Variants in EPC1 observed in about 807,000 individuals in gnomAD.
EPC1 encodes the protein enhancer of polycomb homolog 1.
EPC1 carries 12 observed loss-of-function variants against 98.4 expected under a neutral mutation model. The observed-to-expected ratio is 0.12, with a 90% CI of 0.08 to 0.20. EPC1 has a LOEUF of 0.20. Ranked by LOEUF, EPC1 falls within the 10% of genes least tolerant of loss-of-function variation. The pLI is 1.00. For missense variants in EPC1, 729 were observed against 990.5 expected (o/e 0.74, Z 3.54); for synonymous variants, 357 against 363.9 (o/e 0.98, Z 0.21).
At chr10:32,365,995 T>A (rs887832798) in intron 1 of EPC1, among the ~76,000 whole-genome samples, 1 of 150,002 alleles carries the variant, frequency 6.7e-6, no homozygotes, top group Non-Finnish European at 1.5e-5. Flanking sequence ...TAACATGGCA[T>A]GGTGGCGCGT....
At chr10:32,280,167 T>C (rs1836326672) in intron 10 of EPC1, among the ~76,000 whole-genome samples, 1 of 152,218 alleles carries the variant, frequency 6.6e-6, no homozygotes, top group Non-Finnish European at 1.5e-5. Context: ...GTACTTCTAT[T>C]ATCTTCATTT....
chr10:32,290,505 A>AAAGAAAG (rs1554819135), intron 6 of EPC1, among the ~76,000 whole-genome samples: 2 of 77,532 alleles, frequency 2.6e-5, no homozygotes, highest in African/African-American at 1.1e-4. Flanking sequence ...AAAAAAAAAA[A>AAAGAAAG]AAAGAAAGAA....
At chr10:32,348,164 C>G (rs1838978742), upstream of EPC1, among the ~76,000 whole-genome samples, 1 of 152,168 alleles carries the variant, frequency 6.6e-6, no homozygotes, top group South Asian at 2.1e-4. Context: ...CTGTCGTACT[C>G]CCGCCAAACA....
intron 1 of EPC1, among the ~76,000 whole-genome samples, chr10:32,362,901 A>G (rs2490517): frequency 0.53 from 80,543 of 152,050 alleles, 23,272 homozygotes; most frequent in East Asian, 0.7. Flanking sequence ...TTCTTCTCCT[A>G]AGCTAGCTTT....
chr10:32,269,011 T>C lies in EPC1; in HGVS notation c.*52A>G, dbSNP rs1835707962. 1.4e-6 allele frequency: 2 copies of C among 1,467,288 alleles called. No individual in the cohort carries two copies. Among genetic ancestry groups the C allele is most frequent in the Non-Finnish European group, 1.9e-6 (2 of 1,052,860 alleles). The allele number at this position is 1,467,288 out of a possible 1,614,324, so 90.9% of individuals were successfully genotyped here. On this transcript the variant is annotated 3_prime_UTR_variant, in exon 14 of 14. Coordinates refer to ENST00000319778, the MANE Select transcript of EPC1 (RefSeq NM_001272004.3). ...TCATCCCTTGCATTCAAAATGCTAC[T>C]GATGCATAGCACCTAATCAAGTCCC...
chr10:32,342,896 G>C (rs1486030896), intron 1 of EPC1, among the ~76,000 whole-genome samples: 1 of 152,116 alleles, frequency 6.6e-6, no homozygotes, highest in Non-Finnish European at 1.5e-5. Flanking sequence ...TTAATCAAGA[G>C]TCAATTTTAA....
Position 32,273,240 on chromosome 10 carries a change from C to A in EPC1, c.1786G>T (p.Ala596Ser), listed in dbSNP as rs1359914427. The A allele has an allele frequency of 1.2e-6, 2 of 1,613,738 alleles. No homozygotes were observed. Among genetic ancestry groups the A allele is most frequent in the East Asian group, 2.2e-5 (1 of 44,876 alleles). ...EQYQQHQQQL[A>S]LMQKQQLAQI... is the part of the protein sequence containing the mutation. ...GCAAGCTGCTGTTTCTGCATGAGTGCCAGTTGCTGTTGATGTTGCTGGTAT... is the reference window on the plus strand; with the variant it reads ...GCAAGCTGCTGTTTCTGCATGAGTGACAGTTGCTGTTGATGTTGCTGGTAT... The change falls in exon 11 of 14, where the codon GCA becomes TCA. Residue 596 changes from alanine (A) to serine (S), a missense_variant. Physicochemically the swap from Ala to Ser is moderately conservative, Grantham distance 99. Around this residue, in one of 6 missense-constraint regions of EPC1, gnomAD observed 390 missense variants for 438.6 expected, o/e 0.89. Transcript: ENST00000319778.
rs142293059 is a variant in EPC1, at chr10:32,302,234, C to T, written c.313+3538G>A. Among the ~76,000 whole-genome samples, 350 of 151,170 alleles carry T rather than the reference C, an allele frequency of 2.3e-3. 1 individual carries two copies. Among genetic ancestry groups the T allele is most frequent in the African/African-American group, 7.9e-3 (326 of 41,120 alleles). On this transcript the variant is annotated intron_variant, in intron 2 of 13. Transcript: ENST00000319778. ...CCAGCCTGGGTGACAGAGCAAGACT[C>T]CGTCTCAAAAAAAAAAAAATTTTTT...
chr10:32,341,704 G>T (rs1487014735), intron 1 of EPC1, among the ~76,000 whole-genome samples: 3 of 152,152 alleles, frequency 2.0e-5, no homozygotes, highest in South Asian at 2.1e-4. Context: ...TGTTCAAAAG[G>T]TCCCTTCTGT....
chr10:32,289,888 A>G (rs1836900806), intron 6 of EPC1, among the ~76,000 whole-genome samples: 1 of 152,016 alleles, frequency 6.6e-6, no homozygotes, highest in Non-Finnish European at 1.5e-5. Context: ...CTTCCCAGAG[A>G]GCTAGGATTA....
At chr10:32,347,882 T>C (rs1838962313), upstream of EPC1, among the ~76,000 whole-genome samples, 1 of 152,278 alleles carries the variant, frequency 6.6e-6, no homozygotes, top group African/African-American at 2.4e-5. Context: ...TTAATATAAA[T>C]GATAGGTATC....
intron 2 of EPC1, among the ~76,000 whole-genome samples, chr10:32,304,690 C>T (rs868631909): frequency 3.3e-5 from 5 of 152,020 alleles, no homozygotes; most frequent in African/African-American, 7.2e-5. Context: ...GAGGCCGAGG[C>T]GGGCGGATCA....
intron 6 of EPC1, among the ~76,000 whole-genome samples, chr10:32,288,305 CTTTTTTCTT>C (rs1836799963): frequency 7.2e-6 from 1 of 139,398 alleles, no homozygotes; most frequent in South Asian, 2.2e-4. Flanking sequence ...TTATCTATTA[CTTTTTTCTT>C]TTTTTTTTTT....
At chr10:32,374,529 T>A (rs1839832627) in intron 1 of EPC1, 1 of 152,172 alleles carries the variant, frequency 6.6e-6, no homozygotes, top group Admixed American at 6.5e-5. Flanking sequence ...ATCTGTAGCA[T>A]CTATTTGGGT....
chr10:32,362,454 T>C (rs1839470769), intron 1 of EPC1, among the ~76,000 whole-genome samples: 1 of 152,062 alleles, frequency 6.6e-6, no homozygotes, highest in Admixed American at 6.6e-5. Flanking sequence ...TAGTAGCACC[T>C]CCCCGCTCCC....
At chr10:32,352,632 A>G (rs1839148348) in intron 1 of EPC1, among the ~76,000 whole-genome samples, 1 of 152,086 alleles carries the variant, frequency 6.6e-6, no homozygotes, top group Non-Finnish European at 1.5e-5. Context: ...AATGCAAAAT[A>G]AGCCTCCCCC....
chr10:32,376,183 A>G (rs1321238239), intron 1 of EPC1, among the ~76,000 whole-genome samples: 1 of 152,078 alleles, frequency 6.6e-6, no homozygotes, highest in Non-Finnish European at 1.5e-5. Context: ...TAGTTACTTC[A>G]TAATCAATGA....
intron 6 of EPC1, among the ~76,000 whole-genome samples, chr10:32,289,672 G>A (rs948031526): frequency 3.3e-5 from 5 of 151,284 alleles, no homozygotes; most frequent in Non-Finnish European, 5.9e-5. Context: ...AGCCCAAGCT[G>A]GAGTGCAGTG....
intron 1 of EPC1, among the ~76,000 whole-genome samples, chr10:32,367,032 G>C (rs1395485399): frequency 6.6e-6 from 1 of 152,186 alleles, no homozygotes; most frequent in African/African-American, 2.4e-5. Flanking sequence ...GTCTTGCTCT[G>C]TTGTCCAGGC....
Sources: gnomAD v4.1 joint callset for allele counts (sites outside exome capture counted in the v4.1 genomes callset) on GRCh38, gnomAD v4.1.1 for gene constraint, gnomAD v4.1.1 regional missense constraint, MANE v1.5 for transcripts, NCBI Gene and HGNC (gene_info 2026-07-23, HGNC 2026-07-21) for gene names.